The following XKR5 variants were observed in gnomAD, a reference collection of about 807,000 sequenced individuals.
The protein encoded by XKR5 is XK-related protein 5.
XKR5 carries 46 observed loss-of-function variants against 40.8 expected under a neutral mutation model. The observed-to-expected ratio is 1.13, with a 90% CI of 0.89 to 1.44. The LOEUF is 1.44. XKR5 is among the 40% of genes most tolerant of loss of function. XKR5 has a pLI of 0.00. For synonymous variants in XKR5, 466 were observed against 356.1 expected, an observed-to-expected ratio of 1.31 and a Z score of -3.48; for missense variants, 1,169 against 844.7, an observed-to-expected ratio of 1.38 and a Z score of -4.76.
At position 6,821,917 on chromosome 8, in the gene XKR5, G is replaced by T. The variant is rs770574217; in HGVS notation, c.759C>A (p.Leu253=). 3 of 1,613,464 alleles carry T rather than the reference G, an allele frequency of 1.9e-6. No individual in the cohort carries two copies. The South Asian group carries it at 3.3e-5, about 18-fold the overall frequency. The change falls in exon 5 of 7, where the codon CTC becomes CTA. Residue 253 remains leucine (L), a synonymous_variant. Transcript: ENST00000618742. ...TTCTAGAAGGGCTGTCCCAGAAGCT[G>T]AGGTAGCAGAGGATGTACACGGCCC... ...LVGAVYILCY[L]SFWDSPSRNR...
In XKR5 at chr8:6,812,284, G is replaced by C. The variant is rs1179802078; in HGVS notation, c.975C>G (p.Ile325Met). The C allele has an allele frequency of 6.4e-7, 1 of 1,553,970 alleles. No homozygotes were observed. Among genetic ancestry groups the C allele is most frequent in the Non-Finnish European group, 8.7e-7 (1 of 1,147,814 alleles). ...YSLLHPKSTD[I>M]WQGCLRKSCG... ...AGGACTTCCTTAGGCAGCCCTGCCAGATGTCTGTGGATTTTGGATGCAGCA... is the reference window on the plus strand; with the variant it reads ...AGGACTTCCTTAGGCAGCCCTGCCACATGTCTGTGGATTTTGGATGCAGCA... Residue 325 changes from isoleucine to methionine, a missense_variant, in exon 7 of 7, where the codon ATC becomes ATG. Transcript: ENST00000618742.
At chr8:6,813,480 A>G (rs892346410) in intron 6 of XKR5, among the ~76,000 whole-genome samples, 4 of 152,210 alleles carry the variant, frequency 2.6e-5, no homozygotes, top group African/African-American at 9.6e-5. Context: ...TGGCATCCCC[A>G]GGCTGGCACG....
intron 1 of XKR5, among the ~76,000 whole-genome samples, chr8:6,833,797 C>T (rs117662225): frequency 0.032 from 4,825 of 152,328 alleles, 115 homozygotes; most frequent in East Asian, 0.083. Flanking sequence ...TGGGAGCCAG[C>T]AGAGCCTCTG....
intron 2 of XKR5, chr8:6,829,312 A>G (rs1804655730): frequency 5.9e-6 from 1 of 169,262 alleles, no homozygotes; most frequent in African/African-American, 2.4e-5. Flanking sequence ...GTGGGCTTAA[A>G]AAGAAAGATG....
chr8:6,834,373 G>A (rs1186383076), intron 1 of XKR5, among the ~76,000 whole-genome samples: 1 of 152,224 alleles, frequency 6.6e-6, no homozygotes, highest in Non-Finnish European at 1.5e-5. Context: ...GGCTGGGTCC[G>A]GCTGTCACCA....
chr8:6,829,803 C>T (rs1342506978), intron 2 of XKR5, among the ~76,000 whole-genome samples: 3 of 148,136 alleles, frequency 2.0e-5, no homozygotes, highest in East Asian at 3.9e-4. Flanking sequence ...AGGTGTGAGC[C>T]GTCACGCCAG....
intron 3 of XKR5, 106 bp from the exon 4 acceptor site, chr8:6,823,836 G>A: frequency 1.0e-6 from 1 of 979,600 alleles, no homozygotes; most frequent in Middle Eastern, 3.2e-4. Context: ...GTAACCTCTT[G>A]TTAAAGCCTG....
At chr8:6,831,654 C>A (rs1804769313) in intron 2 of XKR5, among the ~76,000 whole-genome samples, 1 of 149,686 alleles carries the variant, frequency 6.7e-6, no homozygotes, top group Admixed American at 6.6e-5. Context: ...ACCCTCAGTG[C>A]CTATGATTTA....
At chr8:6,825,745 G>A (rs1804443410) in intron 2 of XKR5, among the ~76,000 whole-genome samples, 1 of 152,132 alleles carries the variant, frequency 6.6e-6, no homozygotes, top group Non-Finnish European at 1.5e-5. Flanking sequence ...CTGTTGCAAG[G>A]TACTGTGTGT....
intron 6 of XKR5, among the ~76,000 whole-genome samples, chr8:6,815,319 C>T (rs561500087): frequency 1.3e-5 from 2 of 152,186 alleles, no homozygotes; most frequent in Admixed American, 1.3e-4. Flanking sequence ...CAGGCCTGCA[C>T]TGGAGCTGGG....
At chr8:6,832,033 A>AG (rs773457724) in intron 2 of XKR5, among the ~76,000 whole-genome samples, 3 of 123,412 alleles carry the variant, frequency 2.4e-5, no homozygotes, top group African/African-American at 9.3e-5. Flanking sequence ...AAAAAAAAAA[A>AG]AACAAACCTA....
intron 2 of XKR5, among the ~76,000 whole-genome samples, chr8:6,828,458 G>T (rs1038490856): frequency 1.3e-5 from 2 of 152,236 alleles, no homozygotes. Flanking sequence ...GAGGACCAGT[G>T]GGAAGGTGAC....
Position 6,831,312 on chromosome 8 carries a change from G to T in XKR5, c.242+1405C>A, listed in dbSNP as rs1006341471. On this transcript the variant is annotated intron_variant, in intron 2 of 6. Transcript: ENST00000618742. Reference sequence around the variant, plus strand: ...AAGGAAGGGCCCTGTCTTTTCAGGGGAACGGCACTGCTTGAACACCAAGGC... The same window carrying T: ...AAGGAAGGGCCCTGTCTTTTCAGGGTAACGGCACTGCTTGAACACCAAGGC... 2.0e-5 allele frequency among the ~76,000 whole-genome samples: 3 copies of T among 152,212 alleles called. No homozygotes were observed. The South Asian group carries it at 6.2e-4, about 32-fold the overall frequency.
intron 2 of XKR5, among the ~76,000 whole-genome samples, chr8:6,826,940 C>G (rs1587191622): frequency 6.6e-6 from 1 of 152,098 alleles, no homozygotes; most frequent in Non-Finnish European, 1.5e-5. Context: ...CCGAGGCTCT[C>G]GGAAAAGGAA....
intron 5 of XKR5, among the ~76,000 whole-genome samples, chr8:6,818,116 A>G (rs1212198569): frequency 6.6e-6 from 1 of 152,156 alleles, no homozygotes; most frequent in Admixed American, 6.5e-5. Context: ...ACTCAGTGCA[A>G]TCTGTTTTCA....
intron 1 of XKR5, among the ~76,000 whole-genome samples, chr8:6,834,328 C>T (rs1390505148): frequency 2.0e-5 from 3 of 152,250 alleles, no homozygotes; most frequent in Non-Finnish European, 2.9e-5. Context: ...AGCTCTAGAC[C>T]GCGGGGTCCG....
At position 6,823,536 on chromosome 8, in the gene XKR5, C is replaced by T; in HGVS notation, c.622G>A (p.Val208Ile). 6.3e-7 allele frequency: 1 copy of T among 1,589,448 alleles called. No individual in the cohort carries two copies. The highest frequency in any genetic ancestry group is 2.3e-5 in the East Asian group (1 of 43,820). ...CTCAGCTCACCTGCAACCACAAAAA[C>T]CCAAAAGTGGTAGGCTTTGTAGAAC... ...VLFYKAYHFW[V>I]FVVAGAHWLV... Residue 208 changes from valine (V) to isoleucine (I), a missense_variant, in exon 4 of 7, where the codon GTT (valine) becomes ATT (isoleucine). Val to Ile is a conservative substitution (Grantham distance 29). Transcript: ENST00000618742.
chr8:6,812,406 G>C (rs949322009), intron 6 of XKR5, 67 bp from the exon 7 acceptor site: 9 of 1,446,710 alleles, frequency 6.2e-6, no homozygotes, highest in Non-Finnish European at 8.2e-6. Context: ...CTGGTGTGCA[G>C]TTTCAGGTTC....
chr8:6,809,920 G>C lies in XKR5; in HGVS notation c.*1278C>G, dbSNP rs1359917611. 2 of 152,278 alleles carry C rather than the reference G, an allele frequency of 1.3e-5. No homozygotes were observed. The highest frequency in any genetic ancestry group is 1.3e-4 in the Admixed American group (2 of 15,280). The allele number at this position is 152,278 out of a possible 1,614,324, so 9.4% of individuals were successfully genotyped here. ...GAGCTCAGGAGTTGGAGACCAGCCT[G>C]AGCCACCTGGCAAGAACCTGTCTCT... is the stretch of plus-strand genomic sequence containing the variant. On this transcript the variant is annotated 3_prime_UTR_variant, in exon 7 of 7. Coordinates refer to ENST00000618742, the MANE Select transcript of XKR5 (RefSeq NM_207411.5).
Sources: gnomAD v4.1 joint callset for allele counts (sites outside exome capture counted in the v4.1 genomes callset) on GRCh38, gnomAD v4.1.1 for gene constraint, MANE v1.5 for transcripts, NCBI Gene and HGNC (gene_info 2026-07-23, HGNC 2026-07-21) for gene names.